ERCC6L2: variants seen among roughly 807,000 people sequenced by gnomAD.
ERCC6L2 encodes DNA excision repair protein ERCC-6-like 2.
ERCC6L2 carries 77 observed loss-of-function variants against 132.0 expected under a neutral mutation model. That is an observed-to-expected ratio of 0.58 (90% confidence interval 0.49 to 0.71). ERCC6L2 has a LOEUF of 0.71. Among genes scored for constraint, ERCC6L2 ranks in the 30% least tolerant of loss-of-function variants. ERCC6L2 has a pLI of 0.00. For missense variants in ERCC6L2, 1,542 were observed against 1,837.6 expected (o/e 0.84, Z 2.94); for synonymous variants, 583 against 632.4 (o/e 0.92, Z 1.17).
intron 6 of ERCC6L2, among the ~76,000 whole-genome samples, chr9:95,916,790 C>T (rs906776159): frequency 1.3e-5 from 2 of 151,076 alleles, no homozygotes; most frequent in Non-Finnish European, 2.9e-5. Flanking sequence ...TCAAGCGATT[C>T]TGCAGCCTCA....
At chr9:95,905,702 AGGAACTCTCACGTTC>A (rs1247981206) in intron 3 of ERCC6L2, among the ~76,000 whole-genome samples, 2 of 152,218 alleles carry the variant, frequency 1.3e-5, no homozygotes, top group African/African-American at 4.8e-5. Flanking sequence ...CTTGGGAAAA[AGGAACTCTCACGTTC>A]AGCATGTTGA....
chr9:95,878,471 G>A (rs1827407534), intron 1 of ERCC6L2, among the ~76,000 whole-genome samples: 1 of 151,916 alleles, frequency 6.6e-6, no homozygotes, highest in South Asian at 2.1e-4. Flanking sequence ...TTGGTTAGAT[G>A]ATGATGCCAG....
intron 11 of ERCC6L2, 38 bp from the exon 12 acceptor site, chr9:95,941,416 C>A: frequency 6.8e-7 from 1 of 1,471,006 alleles, no homozygotes; most frequent in Non-Finnish European, 9.4e-7. Context: ...TTAGTTTTTG[C>A]TGTTCTAATG....
In ERCC6L2 at chr9:95,889,547, G is replaced by A. The variant is rs556680923; in HGVS notation, c.471+8254G>A. Among the ~76,000 whole-genome samples, 52 of 152,056 alleles carry A rather than the reference G, an allele frequency of 3.4e-4. 1 individual carries two copies. In the South Asian group the frequency reaches 0.011, roughly 32 times the overall value. On this transcript the variant is annotated intron_variant, in intron 2 of 18. Coordinates refer to ENST00000653738, the MANE Select transcript of ERCC6L2 (RefSeq NM_020207.7). Reference sequence around the variant, plus strand: ...AAACTGTAAAATGCACAGATCTCAGGTATACTACTTAATGAGCTTTGACAA... The same window carrying A: ...AAACTGTAAAATGCACAGATCTCAGATATACTACTTAATGAGCTTTGACAA...
chr9:95,956,401 A>C (rs1304833694), intron 13 of ERCC6L2, among the ~76,000 whole-genome samples: 1 of 152,150 alleles, frequency 6.6e-6, no homozygotes, highest in African/African-American at 2.4e-5. Context: ...TTACAGGCCA[A>C]GATGTAATGG....
chr9:95,945,215 G>T (rs1831001653), intron 12 of ERCC6L2, among the ~76,000 whole-genome samples: 1 of 152,202 alleles, frequency 6.6e-6, no homozygotes, highest in Non-Finnish European at 1.5e-5. Context: ...TCTCAGGGAT[G>T]TTCCTTGCTG....
At position 95,928,114 on chromosome 9, in the gene ERCC6L2, CAG is replaced by C; in HGVS notation, c.1573_1574del (p.Asp525Ter). On this transcript the variant is annotated frameshift_variant, in exon 10 of 19. Transcript: ENST00000653738. LOFTEE classifies it high-confidence loss of function. ...QQLLNHCRKN[R>X]DKVLLFSFST... ...AGCTTTTAAATCATTGCAGGAAAAA[CAG>C]AGATAAAGTTCTTCTCTTTTCTTTT... 1.2e-6 allele frequency: 2 copies of C among 1,612,838 alleles called. No homozygotes were observed. Among genetic ancestry groups the C allele is most frequent in the Non-Finnish European group, 1.7e-6 (2 of 1,179,236 alleles).
chr9:96,034,204 C>T (rs117927846), intron 19 of ERCC6L2, among the ~76,000 whole-genome samples: 13 of 152,370 alleles, frequency 8.5e-5, no homozygotes, highest in Non-Finnish European at 1.8e-4. Context: ...GTCCGGCTGA[C>T]GTTCCCCAGA....
intron 4 of ERCC6L2, among the ~76,000 whole-genome samples, chr9:95,914,792 C>G (rs764360063): frequency 1.3e-5 from 2 of 152,198 alleles, no homozygotes; most frequent in Non-Finnish European, 2.9e-5. Context: ...TGAAGTCCAA[C>G]TTATCACACT....
intron 12 of ERCC6L2, among the ~76,000 whole-genome samples, chr9:95,947,459 C>CA (rs1300088218): frequency 1.3e-5 from 2 of 152,128 alleles, no homozygotes; most frequent in African/African-American, 4.8e-5. Context: ...ACCTCCATAA[C>CA]AAAAAAGTGC....
chr9:95,998,246 C>A (rs1472366697), intron 17 of ERCC6L2, among the ~76,000 whole-genome samples: 6 of 152,110 alleles, frequency 3.9e-5, no homozygotes, highest in African/African-American at 1.4e-4. Flanking sequence ...TCTACAGAAC[C>A]TTTGGAGGGT....
intron 17 of ERCC6L2, among the ~76,000 whole-genome samples, chr9:95,983,443 C>A (rs1335913641): frequency 6.6e-6 from 1 of 152,096 alleles, no homozygotes; most frequent in Non-Finnish European, 1.5e-5. Context: ...GTCACAAGAT[C>A]TAAATAGTTA....
At chr9:95,937,798 TGTTCA>T (rs1417705949) in intron 11 of ERCC6L2, among the ~76,000 whole-genome samples, 1 of 151,838 alleles carries the variant, frequency 6.6e-6, no homozygotes, top group Non-Finnish European at 1.5e-5. Context: ...TATTTTTCTG[TGTTCA>T]GTTTTATTGA....
At chr9:95,899,629 T>C (rs1022170232) in intron 3 of ERCC6L2, among the ~76,000 whole-genome samples, 8 of 135,998 alleles carry the variant, frequency 5.9e-5, no homozygotes, top group Admixed American at 3.0e-4. Context: ...TGTGTGTGTG[T>C]GTGCGTATGT....
At chr9:96,018,751 A>C (rs1315556372), downstream of ERCC6L2, among the ~76,000 whole-genome samples, 1 of 150,748 alleles carries the variant, frequency 6.6e-6, no homozygotes, top group Non-Finnish European at 1.5e-5. Context: ...ATTATATTTC[A>C]TGTATTTTAT....
rs530801728 is a variant in ERCC6L2, at chr9:96,007,526, G to A, written c.3674+2825G>A. Among the ~76,000 whole-genome samples, 12 of 152,320 alleles carry A rather than the reference G, an allele frequency of 7.9e-5. No homozygotes were observed. In the South Asian group the frequency reaches 1.2e-3, roughly 16 times the overall value. On this transcript the variant is annotated intron_variant, in intron 18 of 18. Coordinates refer to ENST00000653738, the MANE Select transcript of ERCC6L2 (RefSeq NM_020207.7). ...TTAGCTGGATGGCATAAATGTTAAA[G>A]AGGGGAAGGAGTTTTCTGAGAAAAG... is the stretch of plus-strand genomic sequence containing the variant.
intron 19 of ERCC6L2, among the ~76,000 whole-genome samples, chr9:96,026,546 C>T (rs974940192): frequency 6.6e-6 from 1 of 152,004 alleles, no homozygotes; most frequent in African/African-American, 2.4e-5. Flanking sequence ...CCATGCGGAG[C>T]AGGGGCTTGT....
intron 19 of ERCC6L2, among the ~76,000 whole-genome samples, chr9:96,031,905 A>G (rs758184126): frequency 6.6e-6 from 1 of 152,194 alleles, no homozygotes; most frequent in Non-Finnish European, 1.5e-5. Flanking sequence ...GCAAACAGAC[A>G]TTCCCACCCC....
intron 3 of ERCC6L2, chr9:95,905,142 C>T (rs1397654808): frequency 6.6e-6 from 1 of 152,104 alleles, no homozygotes; most frequent in East Asian, 1.9e-4. Flanking sequence ...CAGTTGGACA[C>T]TGCTTTCCAT....
Sources: gnomAD v4.1 joint callset for allele counts (sites outside exome capture counted in the v4.1 genomes callset) on GRCh38, gnomAD v4.1.1 for gene constraint, MANE v1.5 for transcripts, NCBI Gene and HGNC (gene_info 2026-07-23, HGNC 2026-07-21) for gene names.